ANKRD11: variants seen among roughly 807,000 people sequenced by gnomAD.
ANKRD11 encodes the protein ankyrin repeat domain-containing protein 11.
ANKRD11 carries 17 observed loss-of-function variants against 195.7 expected under a neutral mutation model. The observed-to-expected ratio is 0.09, with a 90% CI of 0.06 to 0.13. ANKRD11 has a LOEUF of 0.13. Ranked by LOEUF, ANKRD11 falls within the 10% of genes least tolerant of loss-of-function variation. The pLI, the probability that ANKRD11 is intolerant of heterozygous loss-of-function variation, is 1.00. For synonymous variants in ANKRD11, 1,953 were observed against 1,528.1 expected (o/e 1.28, Z -6.49); for missense variants, 3,735 against 3,566.1 (o/e 1.05, Z -1.21).
intron 2 of ANKRD11, among the ~76,000 whole-genome samples, chr16:89,371,037 GC>G (rs1320740163): frequency 1.3e-5 from 2 of 152,202 alleles, no homozygotes; most frequent in African/African-American, 4.8e-5. Context: ...TGTTATAGCT[GC>G]CCCGTCTCAT....
Position 89,280,621 on chromosome 16 carries a change from G to A in ANKRD11, c.5921C>T (p.Pro1974Leu), listed in dbSNP as rs1597443015. Residue 1974 changes from proline to leucine, a missense_variant, in exon 9 of 13, where the codon CCT becomes CTT. By Grantham distance (98) the Pro-to-Leu change is moderately conservative. Transcript: ENST00000301030. ...GGTSENPVSWPVGSDLLLKSP... is the reference protein window; with the variant it reads ...GGTSENPVSWLVGSDLLLKSP... ...CTTCAGCAGGAGGTCCGAGCCCACA[G>A]GCCAGCTCACAGGGTTTTCAGAGGT... 1.2e-6 allele frequency: 2 copies of A among 1,613,538 alleles called. No homozygotes were observed. The highest frequency in any genetic ancestry group is 1.1e-5 in the South Asian group (1 of 91,086).
chr16:89,305,477 T>G, intron 3 of ANKRD11, 133 bp from the exon 4 acceptor site: 11 of 1,296,210 alleles, frequency 8.5e-6, no homozygotes, highest in Admixed American at 2.0e-5. Context: ...CCCCAGGGCG[T>G]GGCTGTGTGA....
In ANKRD11 at chr16:89,281,630, G is replaced by A. The variant is rs113527563; in HGVS notation, c.4912C>T (p.Pro1638Ser). 6.2e-5 allele frequency: 100 copies of A among 1,614,006 alleles called. No homozygotes were observed. The highest frequency in any genetic ancestry group is 1.6e-4 in the Middle Eastern group (1 of 6,084). Reference sequence around the variant, plus strand: ...TCCAGCCCCGGCGGTTTCTTAGCAGGAATGTCCAGACCCTTCTTCCGCCCG... The same window carrying A: ...TCCAGCCCCGGCGGTTTCTTAGCAGAAATGTCCAGACCCTTCTTCCGCCCG... ...DDGRKKGLDI[P>S]AKKPPGLDPP... Residue 1638 changes from proline to serine, a missense_variant, in exon 9 of 13, where the codon CCT becomes TCT. Pro to Ser is a moderately conservative substitution (Grantham distance 74). Transcript: ENST00000301030. The surrounding 1 kb of genome is among the most constrained non-coding windows in gnomAD (Gnocchi z 5.5).
rs781330205 is a variant in ANKRD11, at chr16:89,279,907, T to C, written c.6635A>G (p.Lys2212Arg). ...CGCAGCTTCTAGAGCCACGTCCAGC[T>C]TTGGCTCCCCTGAGGGCTCAGGCTC... ...ELEPEPSGEP[K>R]LDVALEAAVE... is the part of the protein sequence containing the mutation. The change falls in exon 9 of 13, where the codon AAG (lysine) becomes AGG (arginine). Residue 2212 changes from lysine to arginine, a missense_variant. Physicochemically the swap from Lys to Arg is conservative, Grantham distance 26. Coordinates refer to ENST00000301030, the MANE Select transcript of ANKRD11 (RefSeq NM_013275.6). This position sits in a 1 kb window ranked among gnomAD's most constrained non-coding sequence, Gnocchi z 5.6. The C allele has an allele frequency of 1.9e-6, 3 of 1,608,936 alleles. No individual in the cohort carries two copies. Among genetic ancestry groups the C allele is most frequent in the Non-Finnish European group, 2.5e-6 (3 of 1,179,254 alleles).
chr16:89,356,038 G>A (rs531937417), intron 2 of ANKRD11, among the ~76,000 whole-genome samples: 23 of 152,274 alleles, frequency 1.5e-4, no homozygotes, highest in Admixed American at 1.3e-3. Context: ...CCCAGATAGC[G>A]CCCCTGCACT....
intron 11 of ANKRD11, chr16:89,272,149 A>G (rs934524220): frequency 1.3e-5 from 2 of 152,238 alleles, no homozygotes; most frequent in African/African-American, 4.8e-5. Flanking sequence ...GAGGAGCTCA[A>G]CATCATTGAT....
rs1217323047 is a variant in ANKRD11 at position 89,428,720 on chromosome 16, C to G, written c.-144-10352G>C. On this transcript the variant is annotated intron_variant, in intron 1 of 12. Transcript: ENST00000301030. Reference sequence around the variant, plus strand: ...ACCAGCCTGGCCAACATAGTGAAACCCCGTCTCCACTAAAAATACAAAAAT... The same window carrying G: ...ACCAGCCTGGCCAACATAGTGAAACGCCGTCTCCACTAAAAATACAAAAAT... Among the ~76,000 whole-genome samples, 3 of 151,620 alleles carry G rather than the reference C, an allele frequency of 2.0e-5. No homozygotes were observed. In the East Asian group the frequency reaches 5.9e-4, roughly 30 times the overall value.
chr16:89,316,712 A>C (rs1342824687), intron 3 of ANKRD11, among the ~76,000 whole-genome samples: 2 of 152,224 alleles, frequency 1.3e-5, no homozygotes, highest in African/African-American at 2.4e-5. Context: ...TAAAGCTATT[A>C]TTTAACGCTT....
chr16:89,280,841 G>A lies in ANKRD11; in HGVS notation c.5701C>T (p.Pro1901Ser). ...SPSPRAELLV[P>S]SLEGALPPDL... ...GGGGGAAGGGCCCCTTCGAGGGAAG[G>A]AACCAGCAGCTCGGCTCTGGGGGAA... The change falls in exon 9 of 13, where the codon CCT becomes TCT. Residue 1901 changes from proline to serine, a missense_variant. By Grantham distance (74) the Pro-to-Ser change is moderately conservative (BLOSUM62 -1). Transcript: ENST00000301030. 1.2e-6 allele frequency: 2 copies of A among 1,601,986 alleles called. No homozygotes were observed. Among genetic ancestry groups the A allele is most frequent in the Middle Eastern group, 1.7e-4 (1 of 6,014 alleles).
chr16:89,320,214 G>T (rs1349636443), intron 2 of ANKRD11: 1 of 152,216 alleles, frequency 6.6e-6, no homozygotes, highest in Non-Finnish European at 1.5e-5. Context: ...CGCAGCCCCT[G>T]TGCCTTCTCA....
intron 2 of ANKRD11, chr16:89,324,912 T>C: frequency 4.5e-6 from 1 of 221,636 alleles, no homozygotes; most frequent in East Asian, 1.4e-4. Flanking sequence ...CTCCCCTCCA[T>C]ATATACATTT....
At chr16:89,304,389 C>G (rs1211054588) in intron 4 of ANKRD11, among the ~76,000 whole-genome samples, 1 of 151,378 alleles carries the variant, frequency 6.6e-6, no homozygotes, top group East Asian at 1.9e-4. Flanking sequence ...CATGCAAACG[C>G]ACACATGGGC....
chr16:89,331,659 C>T lies in ANKRD11; in HGVS notation c.-59-14581G>A, dbSNP rs546813613. Reference sequence around the variant, plus strand: ...TATTTAGGTACAGGGTCTCCTCTGTCGCCCAGGCTGCAGTGTAATTAAATA... The same window carrying T: ...TATTTAGGTACAGGGTCTCCTCTGTTGCCCAGGCTGCAGTGTAATTAAATA... On this transcript the variant is annotated intron_variant, in intron 2 of 12. Coordinates refer to ENST00000301030, the MANE Select transcript of ANKRD11 (RefSeq NM_013275.6). Among the ~76,000 whole-genome samples, 13 of 152,260 alleles carry T rather than the reference C, an allele frequency of 8.5e-5. No individual in the cohort carries two copies. The South Asian group carries it at 1.9e-3, about 22-fold the overall frequency.
intron 1 of ANKRD11, among the ~76,000 whole-genome samples, chr16:89,425,013 G>A (rs1223564264): frequency 2.6e-5 from 4 of 151,756 alleles, no homozygotes; most frequent in Non-Finnish European, 5.9e-5. Flanking sequence ...GAAGAGAGGA[G>A]GAGACTGGCC....
chr16:89,425,433 A>C (rs1183035669), intron 1 of ANKRD11, among the ~76,000 whole-genome samples: 1 of 152,214 alleles, frequency 6.6e-6, no homozygotes, highest in Non-Finnish European at 1.5e-5. Flanking sequence ...GGAACACTAA[A>C]GACCTACCAT....
intron 2 of ANKRD11, among the ~76,000 whole-genome samples, chr16:89,336,486 G>A (rs2038360519): frequency 6.6e-6 from 1 of 152,222 alleles, no homozygotes; most frequent in Non-Finnish European, 1.5e-5. Context: ...GAGTCCAGGA[G>A]GACTCCTGTA....
chr16:89,433,367 G>T (rs2043080438), intron 1 of ANKRD11, among the ~76,000 whole-genome samples: 1 of 152,216 alleles, frequency 6.6e-6, no homozygotes, highest in South Asian at 2.1e-4. Flanking sequence ...CTCCTCTGCA[G>T]ACTTTCCACT....
At position 89,280,548 on chromosome 16, in the gene ANKRD11, G is replaced by A; in HGVS notation, c.5994C>T (p.Asp1998=). ...GCCCTGGGGCGGCAGAGTGGAGGGGGTCCGCGGGGCAGAAACGCTTTGGGG... is the reference window on the plus strand; with the variant it reads ...GCCCTGGGGCGGCAGAGTGGAGGGGATCCGCGGGGCAGAAACGCTTTGGGG... ...PESPKRFCPA[D]PLHSAAPGPF... Residue 1998 remains aspartate (D), a synonymous_variant, in exon 9 of 13, where the codon GAC becomes GAT. Transcript: ENST00000301030. The A allele has an allele frequency of 6.2e-7, 1 of 1,612,910 alleles. No homozygotes were observed. Among genetic ancestry groups the A allele is most frequent in the Non-Finnish European group, 8.5e-7 (1 of 1,179,880 alleles).
chr16:89,345,997 T>C (rs1309423939), intron 2 of ANKRD11, among the ~76,000 whole-genome samples: 1 of 152,040 alleles, frequency 6.6e-6, no homozygotes, highest in African/African-American at 2.4e-5. Context: ...ATCCCAGCAC[T>C]TTGGGAGGCC....
Sources: gnomAD v4.1 joint callset for allele counts (sites outside exome capture counted in the v4.1 genomes callset) on GRCh38, gnomAD v4.1.1 for gene constraint, Gnocchi (gnomAD v3.1) non-coding constraint, MANE v1.5 for transcripts, NCBI Gene and HGNC (gene_info 2026-07-23, HGNC 2026-07-21) for gene names.